Variants in SSH1 observed in about 807,000 individuals in gnomAD.
SSH1 encodes slingshot protein phosphatase 1, also known as protein phosphatase Slingshot homolog 1.
In SSH1, 43 loss-of-function variants were observed where a neutral mutation model predicts 79.7. That is an observed-to-expected ratio of 0.54 (90% confidence interval 0.42 to 0.70). The LOEUF (loss-of-function observed/expected upper bound fraction) is 0.70, where lower values mean the gene tolerates loss of function less well. Among genes scored for constraint, SSH1 ranks in the 30% least tolerant of loss-of-function variants. The pLI, the probability that SSH1 is intolerant of heterozygous loss-of-function variation, is 0.00. For synonymous variants in SSH1, 599 were observed against 538.3 expected (o/e 1.11, Z -1.56); for missense variants, 1,206 against 1,358.8 (o/e 0.89, Z 1.77).
intron 2 of SSH1, among the ~76,000 whole-genome samples, chr12:108,845,297 C>T (rs979815400): frequency 6.6e-6 from 1 of 152,140 alleles, no homozygotes; most frequent in African/African-American, 2.4e-5. Flanking sequence ...ACCTCAGCCC[C>T]GGCCAGCAAG....
In SSH1 at chr12:108,787,902, T is replaced by C; in HGVS notation, c.*86A>G. 1.3e-6 allele frequency: 2 copies of C among 1,531,810 alleles called. No individual in the cohort carries two copies. Among genetic ancestry groups the C allele is most frequent in the Non-Finnish European group, 9.0e-7 (1 of 1,111,026 alleles). The allele number at this position is 1,531,810 out of a possible 1,614,324, so 94.9% of individuals were successfully genotyped here. A position where few individuals can be genotyped will look rare whatever the true frequency, so the allele number is the denominator to read the frequency against. ...TTCACTCGTTTAAGGGAAATCAAGA[T>C]GTAAGGGGTCGATCCAAATCCACAG... On this transcript the variant is annotated 3_prime_UTR_variant, in exon 15 of 15. Coordinates refer to ENST00000326495, the MANE Select transcript of SSH1 (RefSeq NM_018984.4).
chr12:108,792,573 C>G lies in SSH1; in HGVS notation c.1606G>C (p.Glu536Gln). ...TGSLVHLEDP[E>Q]REALLEEAAP... ...GCTTCCTCCAACAGAGCCTCCCTCT[C>G]CGGATCCTCCAGGTGGACCAAGCTG... The change falls in exon 14 of 15, where the codon GAG becomes CAG. Residue 536 changes from glutamate to glutamine, a missense_variant. Glu to Gln is a conservative substitution (Grantham distance 29). Transcript: ENST00000326495. The G allele has an allele frequency of 6.2e-7, 1 of 1,613,720 alleles. No homozygotes were observed. Among genetic ancestry groups the G allele is most frequent in the South Asian group, 1.1e-5 (1 of 91,062 alleles).
intron 2 of SSH1, among the ~76,000 whole-genome samples, chr12:108,829,786 T>A (rs910121450): frequency 6.6e-6 from 1 of 152,116 alleles, no homozygotes; most frequent in Non-Finnish European, 1.5e-5. Context: ...CTGTGATGAG[T>A]CCTGGGCATC....
At chr12:108,792,868 G>A (rs771528285) in intron 13 of SSH1, 39 bp from the exon 14 acceptor site, 3 of 1,611,492 alleles carry the variant, frequency 1.9e-6, no homozygotes, top group Non-Finnish European at 1.7e-6. Context: ...AGGGGAGGAG[G>A]ATGGTGCCTG....
intron 13 of SSH1, among the ~76,000 whole-genome samples, chr12:108,794,081 G>A (rs1389446490): frequency 2.6e-5 from 4 of 152,214 alleles, no homozygotes; most frequent in Admixed American, 6.5e-5. Context: ...ACAGTTGGCC[G>A]GCCCTGTTCT....
chr12:108,838,858 C>T (rs1402462148), intron 2 of SSH1, among the ~76,000 whole-genome samples: 1 of 152,184 alleles, frequency 6.6e-6, no homozygotes, highest in Non-Finnish European at 1.5e-5. Context: ...TACCAGGAAA[C>T]TCAAAGTCAG....
intron 2 of SSH1, among the ~76,000 whole-genome samples, chr12:108,848,189 G>A (rs139079083): frequency 2.6e-5 from 4 of 152,284 alleles, no homozygotes; most frequent in African/African-American, 9.6e-5. Flanking sequence ...ATGGGTCTGA[G>A]GTGTTCCTCT....
In SSH1 at chr12:108,809,742, T is replaced by C; in HGVS notation, c.487A>G (p.Thr163Ala). Reference sequence around the variant, plus strand: ...TTAAATATGTGCATCCTTCCTGCTGTGCTCACGCTGAACCCACTGAGAATA... The same window carrying C: ...TTAAATATGTGCATCCTTCCTGCTGCGCTCACGCTGAACCCACTGAGAATA... ...LDGDGGFSVS[T>A]AGRMHIFKPV... Residue 163 changes from threonine (T) to alanine (A), a missense_variant, in exon 7 of 15, where the codon ACA becomes GCA. Coordinates refer to ENST00000326495, the MANE Select transcript of SSH1 (RefSeq NM_018984.4). The C allele has an allele frequency of 6.2e-7, 1 of 1,614,060 alleles. No homozygotes were observed. Among genetic ancestry groups the C allele is most frequent in the Non-Finnish European group, 8.5e-7 (1 of 1,179,916 alleles).
At chr12:108,827,882 T>C (rs1438706640) in intron 2 of SSH1, among the ~76,000 whole-genome samples, 1 of 152,214 alleles carries the variant, frequency 6.6e-6, no homozygotes, top group African/African-American at 2.4e-5. Context: ...TCTTCAGTCA[T>C]GCTAACAGCT....
intron 2 of SSH1, among the ~76,000 whole-genome samples, chr12:108,843,377 T>A (rs2038823782): frequency 6.6e-6 from 1 of 152,184 alleles, no homozygotes; most frequent in African/African-American, 2.4e-5. Flanking sequence ...CAGGGCAAAC[T>A]GGGCACTGTG....
chr12:108,795,239 A>G (rs2036697031), intron 13 of SSH1, among the ~76,000 whole-genome samples: 2 of 151,854 alleles, frequency 1.3e-5, no homozygotes, highest in Non-Finnish European at 2.9e-5. Context: ...CAGCAGCTCT[A>G]TTGGGTGGGT....
At chr12:108,832,287 A>G (rs1157350623) in intron 2 of SSH1, among the ~76,000 whole-genome samples, 1 of 151,790 alleles carries the variant, frequency 6.6e-6, no homozygotes, top group Non-Finnish European at 1.5e-5. Flanking sequence ...ACAGAGGGAG[A>G]CTCTGTCCCA....
chr12:108,857,456 GC>G lies in SSH1; in HGVS notation c.40del (p.Ala14ProfsTer21). ...VTLQRSPTPS[A>X]ASSSASNSEL... ...GCTGTTGCTGGCCGAGGAGGAGGCG[GC>G]GCTGGGCGTGGGCGAGCGCTGCAGG... On this transcript the variant is annotated frameshift_variant, in exon 1 of 15. Coordinates refer to ENST00000326495, the MANE Select transcript of SSH1 (RefSeq NM_018984.4). LOFTEE classifies it high-confidence loss of function. The surrounding 1 kb of genome is among the most constrained non-coding windows in gnomAD (Gnocchi z 4.7). 1 of 1,122,004 alleles carries G rather than the reference GC, an allele frequency of 8.9e-7. No homozygotes were observed. Among genetic ancestry groups the G allele is most frequent in the Non-Finnish European group, 1.1e-6 (1 of 900,112 alleles). The allele number at this position is 1,122,004 out of a possible 1,614,324, so 69.5% of individuals were successfully genotyped here. A position where few individuals can be genotyped will look rare whatever the true frequency, so the allele number is the denominator to read the frequency against.
chr12:108,783,773 C>A lies in SSH1; in HGVS notation c.*4215G>T, dbSNP rs527938652. ...CAGATGCAGAGTGAACTCAAACACA[C>A]AGGCATTCCACTGCAGAGCAGATGA... On this transcript the variant is annotated 3_prime_UTR_variant, in exon 15 of 15. Transcript: ENST00000326495. 6.6e-6 allele frequency: 1 copy of A among 152,344 alleles called. No individual in the cohort carries two copies. Among genetic ancestry groups the A allele is most frequent in the Non-Finnish European group, 1.5e-5 (1 of 68,052 alleles). The allele number at this position is 152,344 out of a possible 1,614,324, so 9.4% of individuals were successfully genotyped here. A position where few individuals can be genotyped will look rare whatever the true frequency, so the allele number is the denominator to read the frequency against.
At chr12:108,792,197 G>A (rs1386041940) in intron 14 of SSH1, 89 bp downstream of exon 14, 26 of 1,598,136 alleles carry the variant, frequency 1.6e-5, no homozygotes, top group Non-Finnish European at 2.0e-5. Context: ...GCGGGTGCCT[G>A]TAGTCCCTAC....
Position 108,787,783 on chromosome 12 carries a change from G to T in SSH1, c.*205C>A. 1 of 664,536 alleles carries T rather than the reference G, an allele frequency of 1.5e-6. No homozygotes were observed. The highest frequency in any genetic ancestry group is 2.5e-6 in the Non-Finnish European group (1 of 398,200). The allele number at this position is 664,536 out of a possible 1,614,324, so 41.2% of individuals were successfully genotyped here. A position where few individuals can be genotyped will look rare whatever the true frequency, so the allele number is the denominator to read the frequency against. On this transcript the variant is annotated 3_prime_UTR_variant, in exon 15 of 15. Coordinates refer to ENST00000326495, the MANE Select transcript of SSH1 (RefSeq NM_018984.4). Reference sequence around the variant, plus strand: ...GGCCGGCGGCTCCTGGTTCTCCCAGGCCACACGACTGACAGCTCCCCTTCT... The same window carrying T: ...GGCCGGCGGCTCCTGGTTCTCCCAGTCCACACGACTGACAGCTCCCCTTCT...
At chr12:108,793,081 G>C (rs141654042) in intron 13 of SSH1, among the ~76,000 whole-genome samples, 2 of 152,206 alleles carry the variant, frequency 1.3e-5, no homozygotes, top group Non-Finnish European at 2.9e-5. Flanking sequence ...TGATGACAAC[G>C]GGGAAGGAAC....
At chr12:108,835,004 C>T (rs536920162) in intron 2 of SSH1, among the ~76,000 whole-genome samples, 7 of 152,126 alleles carry the variant, frequency 4.6e-5, no homozygotes, top group South Asian at 2.1e-4. Flanking sequence ...ATGCCACGTG[C>T]GAGTTAAAGC....
rs1021106028 is a variant in SSH1, at chr12:108,788,850, T to C, written c.2288A>G (p.Asp763Gly). 1.2e-6 allele frequency: 2 copies of C among 1,614,236 alleles called. No homozygotes were observed. The highest frequency in any genetic ancestry group is 1.3e-5 in the African/African-American group (1 of 75,056). The change falls in exon 15 of 15, where the codon GAT becomes GGT. Residue 763 changes from aspartate to glycine, a missense_variant. By Grantham distance (94) the Asp-to-Gly change is moderately conservative (BLOSUM62 -1). This residue lies in a region of SSH1 where 709 missense variants were observed against 730.6 expected (regional missense o/e 0.97). Coordinates refer to ENST00000326495, the MANE Select transcript of SSH1 (RefSeq NM_018984.4). ...KSLLLKNSHC[D>G]KNPPSTEVVI... ...CACTTCTGTGCTGGGAGGGTTCTTA[T>C]CACAGTGAGAATTCTTCAAAAGGAG...
Sources: gnomAD v4.1 joint callset for allele counts (sites outside exome capture counted in the v4.1 genomes callset) on GRCh38, gnomAD v4.1.1 for gene constraint, gnomAD v4.1.1 regional missense constraint, Gnocchi (gnomAD v3.1) non-coding constraint, MANE v1.5 for transcripts, NCBI Gene and HGNC (gene_info 2026-07-23, HGNC 2026-07-21) for gene names.